FIRRM: variants seen among roughly 807,000 people sequenced by gnomAD.
FIRRM encodes the protein FIGNL1 interacting regulator of recombination and mitosis, also known as FIGNL1-interacting regulator of recombination and mitosis.
chr1:169,794,990 C>T, the FIRRM span: 11 of 803,912 alleles, frequency 1.4e-5, no homozygotes, highest in African/African-American at 6.8e-5. Context: ...ACCAGCCGCC[C>T]TCCTCTCTAT....
the FIRRM span, chr1:169,826,189 C>T: frequency 2.8e-5 from 5 of 181,548 alleles, no homozygotes; most frequent in South Asian, 5.3e-4. Context: ...TCTCCTGACT[C>T]CGCCTCCCAA....
At chr1:169,841,380 A>G in the FIRRM span, among the ~76,000 whole-genome samples, 1 of 152,240 alleles carries the variant, frequency 6.6e-6, no homozygotes, top group Non-Finnish European at 1.5e-5. Context: ...TTCTGCATCT[A>G]GAACATGTTT....
the FIRRM span, among the ~76,000 whole-genome samples, chr1:169,788,409 T>G: frequency 1.3e-5 from 2 of 152,240 alleles, no homozygotes; most frequent in Non-Finnish European, 2.9e-5. Context: ...CTCCTAATTT[T>G]TTAACACTTT....
the FIRRM span, among the ~76,000 whole-genome samples, chr1:169,846,250 C>G: frequency 6.6e-6 from 1 of 152,118 alleles, no homozygotes; most frequent in Non-Finnish European, 1.5e-5. Flanking sequence ...TGCCATCATC[C>G]TGGCTTTGTT....
At chr1:169,847,477 G>A in the FIRRM span, among the ~76,000 whole-genome samples, 1 of 152,104 alleles carries the variant, frequency 6.6e-6, no homozygotes, top group Non-Finnish European at 1.5e-5. Context: ...GCAGGAGGGT[G>A]TGGTAAGAAT....
the FIRRM span, among the ~76,000 whole-genome samples, chr1:169,835,777 T>C: frequency 6.6e-5 from 10 of 152,224 alleles, no homozygotes; most frequent in Admixed American, 3.9e-4. Flanking sequence ...ACTTACTTAC[T>C]GGACTTTATT....
chr1:169,852,669 C>T, the FIRRM span: 1 of 1,045,882 alleles, frequency 9.6e-7, no homozygotes, highest in Non-Finnish European at 1.4e-6. Context: ...GGGGTGCATC[C>T]TCCTACCCTT....
At chr1:169,852,860 C>G in the FIRRM span, 1 of 1,614,068 alleles carries the variant, frequency 6.2e-7, no homozygotes, top group Non-Finnish European at 8.5e-7. Flanking sequence ...CATACAATAG[C>G]AGGGGCTTTG....
At chr1:169,851,045 C>CTTTTTTTTTTTTTTTT in the FIRRM span, 1 of 17,312 alleles carries the variant, frequency 5.8e-5, no homozygotes, top group Non-Finnish European at 1.0e-4. Context: ...GCTCAGGGCC[C>CTTTTTTTTTTTTTTTT]TTTTTTTTTT....
chr1:169,819,605 G>A, the FIRRM span, among the ~76,000 whole-genome samples: 5 of 152,310 alleles, frequency 3.3e-5, no homozygotes, highest in South Asian at 4.1e-4. Context: ...TCTGTTTTCC[G>A]ATGGAGTCCC....
chr1:169,842,174 CAA>C, the FIRRM span, among the ~76,000 whole-genome samples: 11 of 84,000 alleles, frequency 1.3e-4, no homozygotes, highest in Non-Finnish European at 7.3e-5. Flanking sequence ...GATGCCATCT[CAA>C]AAAAAAAAAA....
the FIRRM span, among the ~76,000 whole-genome samples, chr1:169,818,333 C>G: frequency 2.0e-5 from 3 of 152,286 alleles, no homozygotes; most frequent in Middle Eastern, 3.4e-3. Context: ...CCACATGTCC[C>G]CAGGCCTTAC....
the FIRRM span, among the ~76,000 whole-genome samples, chr1:169,840,292 G>A: frequency 6.6e-6 from 1 of 152,288 alleles, no homozygotes; most frequent in East Asian, 1.9e-4. Flanking sequence ...GAAAAGCATT[G>A]AATCTGTAGA....
the FIRRM span, chr1:169,795,110 A>G: frequency 6.5e-7 from 1 of 1,535,984 alleles, no homozygotes; most frequent in Middle Eastern, 1.7e-4. Context: ...AGTATGTCTC[A>G]GGAAGGTGCG....
the FIRRM span, chr1:169,795,560 A>C: frequency 9.5e-7 from 1 of 1,053,588 alleles, no homozygotes; most frequent in Non-Finnish European, 1.1e-6. Context: ...TGGGGGAGGC[A>C]AGGACTGAGA....
the FIRRM span, among the ~76,000 whole-genome samples, chr1:169,807,434 TAATTA>T: frequency 6.6e-6 from 1 of 152,242 alleles, no homozygotes; most frequent in East Asian, 1.9e-4. Flanking sequence ...ATCACAGCCC[TAATTA>T]ATTATTCTTA....
chr1:169,802,563 T>C, the FIRRM span: 2 of 1,200,208 alleles, frequency 1.7e-6, no homozygotes, highest in South Asian at 1.3e-5. Context: ...TAAAGTTTTG[T>C]CTTGTCTTTT....
At chr1:169,792,974 T>A in the FIRRM span, 2 of 1,614,068 alleles carry the variant, frequency 1.2e-6, no homozygotes, top group South Asian at 2.2e-5. Flanking sequence ...TACATCATTT[T>A]CTTCATCTTC....
the FIRRM span, chr1:169,842,610 T>A: frequency 1.3e-6 from 2 of 1,550,950 alleles, no homozygotes; most frequent in Non-Finnish European, 1.7e-6. Context: ...TGTACTGAAA[T>A]TTTCCAGTGT....
Sources: allele counts gnomAD v4.1 joint callset (sites outside exome capture counted in the v4.1 genomes callset), GRCh38; gene constraint gnomAD v4.1.1; transcripts MANE v1.5; gene names NCBI Gene and HGNC (gene_info 2026-07-23, HGNC 2026-07-21).